The following RASSF3 variants were observed in gnomAD, a reference collection of about 807,000 sequenced individuals.
RASSF3 encodes Ras association domain family member 3.
In RASSF3, 19 loss-of-function variants were observed where a neutral mutation model predicts 19.9. The observed-to-expected ratio is 0.96, with a 90% CI of 0.67 to 1.40. The LOEUF (loss-of-function observed/expected upper bound fraction) is 1.40, where lower values mean the gene tolerates loss of function less well. RASSF3 is among the 40% of genes most tolerant of loss of function. RASSF3 has a pLI of 0.00. For synonymous variants in RASSF3, 110 were observed against 104.2 expected, an observed-to-expected ratio of 1.06 and a Z score of -0.34; for missense variants, 306 against 289.8, an observed-to-expected ratio of 1.06 and a Z score of -0.41.
upstream of RASSF3, among the ~76,000 whole-genome samples, chr12:64,528,821 T>G (rs1019409185): frequency 6.6e-6 from 1 of 152,210 alleles, no homozygotes; most frequent in Non-Finnish European, 1.5e-5. Flanking sequence ...TCGCAGTGAC[T>G]GATGATGCTG....
chr12:64,577,903 C>G (rs1341527942), intron 2 of RASSF3, among the ~76,000 whole-genome samples: 1 of 151,770 alleles, frequency 6.6e-6, no homozygotes. Flanking sequence ...CTTCAAGGAA[C>G]TTACAGTAGG....
At chr12:64,541,022 T>C (rs1868925230) in intron 1 of RASSF3, among the ~76,000 whole-genome samples, 1 of 150,062 alleles carries the variant, frequency 6.7e-6, no homozygotes. Flanking sequence ...GCCAGTGTGG[T>C]GGCTCATGCC....
intron 2 of RASSF3, among the ~76,000 whole-genome samples, chr12:64,595,314 C>G (rs9669023): frequency 6.6e-6 from 1 of 151,784 alleles, no homozygotes; most frequent in Admixed American, 6.6e-5. Context: ...GTGATCAGCC[C>G]GCCTCGGCCT....
chr12:64,651,170 T>C (rs1871938390), intron 1 of RASSF3, among the ~76,000 whole-genome samples: 1 of 152,222 alleles, frequency 6.6e-6, no homozygotes, highest in African/African-American at 2.4e-5. Flanking sequence ...CTTAATGGGC[T>C]GTGCCTCTCT....
chr12:64,671,422 C>T (rs558305964), intron 1 of RASSF3, among the ~76,000 whole-genome samples: 86 of 152,252 alleles, frequency 5.6e-4, no homozygotes, highest in Non-Finnish European at 1.1e-3. Flanking sequence ...TCACTCCTTA[C>T]TCACTCTGAG....
chr12:64,585,547 G>C (rs2136137562), intron 2 of RASSF3, among the ~76,000 whole-genome samples: 1 of 149,280 alleles, frequency 6.7e-6, no homozygotes, highest in African/African-American at 2.5e-5. Context: ...AAAATGAGAA[G>C]TTTCTTTCCC....
At chr12:64,667,424 T>A (rs1872564965) in intron 1 of RASSF3, among the ~76,000 whole-genome samples, 1 of 152,144 alleles carries the variant, frequency 6.6e-6, no homozygotes, top group South Asian at 2.1e-4. Context: ...CCTCCCAGGT[T>A]CAAGCGATTC....
chr12:64,669,961 T>C (rs1343349420), intron 1 of RASSF3, among the ~76,000 whole-genome samples: 3 of 150,412 alleles, frequency 2.0e-5, no homozygotes, highest in African/African-American at 7.3e-5. Flanking sequence ...CTTTTATTTA[T>C]ACATTGGTCA....
At position 64,535,514 on chromosome 12, in the gene RASSF3, G is replaced by A. The variant is rs115588195; in HGVS notation, c.67+2180G>A. Among the ~76,000 whole-genome samples the A allele has an allele frequency of 9.9e-3, 1,496 of 151,646 alleles. 30 individuals carry two copies. The highest frequency in any genetic ancestry group is 0.035 in the African/African-American group (1,425 of 41,282). Reference sequence around the variant, plus strand: ...TGAGTAGCTGAAACTACAGGCACACGCCACCACATCAGCTAATTTTTTGTA... The same window carrying A: ...TGAGTAGCTGAAACTACAGGCACACACCACCACATCAGCTAATTTTTTGTA... On this transcript the variant is annotated intron_variant, in intron 1 of 1. Transcript: ENST00000636333.
intron 1 of RASSF3, among the ~76,000 whole-genome samples, chr12:64,660,052 G>GTA (rs146920963): frequency 0.56 from 60,939 of 109,326 alleles, 13,186 homozygotes; most frequent in African/African-American, 0.62. Flanking sequence ...GTGTGTGTAT[G>GTA]TATATATATA....
chr12:64,622,520 A>G (rs17120527), intron 1 of RASSF3: 10,512 of 530,676 alleles, frequency 0.02, 890 homozygotes, highest in African/African-American at 0.18. Context: ...ATTGGCATCT[A>G]TTAGGTTGGT....
downstream of RASSF3, among the ~76,000 whole-genome samples, chr12:64,542,421 T>TG (rs1449337483): frequency 2.6e-5 from 4 of 152,318 alleles, no homozygotes; most frequent in African/African-American, 9.6e-5. Context: ...CTTCAACTGG[T>TG]AGAACTAGTA....
chr12:64,691,664 T>TGGGAAGAGAAGTGAGTTGGAGGGCA, intron 4 of RASSF3, 85 bp downstream of exon 4: 1 of 360,428 alleles, frequency 2.8e-6, no homozygotes, highest in African/African-American at 3.5e-5. Context: ...TGGCTATTGA[T>TGGGAAGAGAAGTGAGTTGGAGGGCA]GGGGGATGGG....
intron 2 of RASSF3, among the ~76,000 whole-genome samples, chr12:64,592,489 C>A (rs900981725): frequency 1.3e-5 from 2 of 152,078 alleles, no homozygotes; most frequent in Non-Finnish European, 2.9e-5. Flanking sequence ...TTGTTTCCTA[C>A]AAGAGGAAAT....
intron 3 of RASSF3, among the ~76,000 whole-genome samples, chr12:64,690,821 T>C (rs1395980592): frequency 6.6e-6 from 1 of 151,252 alleles, no homozygotes; most frequent in Non-Finnish European, 1.5e-5. Flanking sequence ...GGACCCTTTT[T>C]TAGGTTTCTT....
intron 1 of RASSF3, among the ~76,000 whole-genome samples, chr12:64,622,820 T>C (rs976795897): frequency 6.6e-6 from 1 of 151,860 alleles, no homozygotes; most frequent in African/African-American, 2.4e-5. Flanking sequence ...AATTTTCTTT[T>C]TTCTTTCTTT....
chr12:64,554,757 T>G (rs1869228658), intron 2 of RASSF3, among the ~76,000 whole-genome samples: 1 of 152,236 alleles, frequency 6.6e-6, no homozygotes, highest in Non-Finnish European at 1.5e-5. Context: ...ATTACTTTTG[T>G]GTATTTTTTA....
intron 1 of RASSF3, among the ~76,000 whole-genome samples, chr12:64,621,209 T>C (rs1870748540): frequency 6.6e-6 from 1 of 152,232 alleles, no homozygotes; most frequent in Admixed American, 6.5e-5. Context: ...GTGCTGAGAT[T>C]ACAGACGTGA....
intron 1 of RASSF3, among the ~76,000 whole-genome samples, chr12:64,637,208 T>C (rs1009376901): frequency 6.6e-6 from 1 of 152,204 alleles, no homozygotes; most frequent in Admixed American, 6.5e-5. Context: ...GGGGGCTGAA[T>C]AGAAAAGGGC....
Sources: allele counts gnomAD v4.1 joint callset (sites outside exome capture counted in the v4.1 genomes callset), GRCh38; gene constraint gnomAD v4.1.1; transcripts MANE v1.5; gene names NCBI Gene and HGNC (gene_info 2026-07-23, HGNC 2026-07-21).